The following INPP4B variants were observed in gnomAD, a reference collection of about 807,000 sequenced individuals.
The protein encoded by INPP4B is inositol polyphosphate-4-phosphatase type II B, also known as inositol polyphosphate 4-phosphatase type II.
Under a neutral mutation model 122.5 loss-of-function variants are expected in INPP4B, and 55 were observed. The ratio of observed to expected loss-of-function variants is 0.45; its 90% CI spans 0.36 to 0.56. INPP4B has a LOEUF of 0.56. Among genes scored for constraint, INPP4B ranks in the 20% least tolerant of loss-of-function variants. The pLI is 0.00. For missense variants in INPP4B, 1,000 were observed against 1,097.7 expected (o/e 0.91, Z 1.26); for synonymous variants, 403 against 388.7 (o/e 1.04, Z -0.43).
At position 142,182,505 on chromosome 4, in the gene INPP4B, G is replaced by A. The variant is rs1579199976; in HGVS notation, c.1182-8696C>T. Among the ~76,000 whole-genome samples, 4 of 126,426 alleles carry A rather than the reference G, an allele frequency of 3.2e-5. No homozygotes were observed. In the East Asian group the frequency reaches 9.8e-4, roughly 31 times the overall value. 82.9% of individuals were successfully genotyped at this position (126,426 alleles called of 152,430 possible). A position where few individuals can be genotyped will look rare whatever the true frequency, so the allele number is the denominator to read the frequency against. ...GGAGCTTGCAGTGAGCAGAGATCAC[G>A]CCGCTGCACTCCAGCCTGGTGACAG... On this transcript the variant is annotated intron_variant, in intron 15 of 25. Transcript: ENST00000262992.
chr4:142,803,021 T>C (rs772173472), intron 1 of INPP4B, among the ~76,000 whole-genome samples: 10 of 151,520 alleles, frequency 6.6e-5, no homozygotes, highest in African/African-American at 9.7e-5. Context: ...AATACAAAAA[T>C]TAGCCAGGCA....
intron 2 of INPP4B, among the ~76,000 whole-genome samples, chr4:142,657,676 A>C (rs377032274): frequency 6.6e-6 from 1 of 152,236 alleles, no homozygotes; most frequent in Non-Finnish European, 1.5e-5. Context: ...TGGTGAAAGA[A>C]CTGTGGAAAT....
Position 142,839,837 on chromosome 4 carries a change from C to T in INPP4B, c.-254+6372G>A, listed in dbSNP as rs1561128484. ...TAAAAACCTTTTAAAAAAGGAAATG[C>T]ATTTCTTAATTATGCCAATTTGGGT... On this transcript the variant is annotated intron_variant, in intron 1 of 25. Transcript: ENST00000262992. 4.6e-5 allele frequency among the ~76,000 whole-genome samples: 7 copies of T among 152,166 alleles called. No individual in the cohort carries two copies. In the South Asian group the frequency reaches 1.4e-3, roughly 32 times the overall value.
chr4:142,720,774 T>A (rs1560996539), intron 2 of INPP4B, among the ~76,000 whole-genome samples: 2 of 10,578 alleles, frequency 1.9e-4, no homozygotes, highest in African/African-American at 7.9e-4. Context: ...TCTCTCTCTC[T>A]CTCTCTCTCT....
intron 1 of INPP4B, among the ~76,000 whole-genome samples, chr4:142,729,355 AACTG>A (rs752542459): frequency 9.2e-5 from 14 of 152,178 alleles, no homozygotes; most frequent in Non-Finnish European, 1.6e-4. Flanking sequence ...GCACGTGACA[AACTG>A]ACTTACAGTT....
At chr4:142,333,842 T>C (rs1775593269) in intron 7 of INPP4B, among the ~76,000 whole-genome samples, 1 of 152,220 alleles carries the variant, frequency 6.6e-6, no homozygotes, top group African/African-American at 2.4e-5. Flanking sequence ...CTATTTAACC[T>C]GTCCATCACC....
intron 1 of INPP4B, among the ~76,000 whole-genome samples, chr4:142,806,594 C>T (rs1372976376): frequency 6.6e-6 from 1 of 150,642 alleles, no homozygotes; most frequent in Non-Finnish European, 1.5e-5. Flanking sequence ...AATACAAAAA[C>T]TTAGCCTGGC....
At chr4:142,047,817 A>G (rs969187430) in intron 25 of INPP4B, among the ~76,000 whole-genome samples, 2 of 152,042 alleles carry the variant, frequency 1.3e-5, no homozygotes, top group Non-Finnish European at 2.9e-5. Context: ...ATTTCCCAGC[A>G]ATCCCCATGG....
At chr4:142,822,213 G>T (rs1194804076) in intron 1 of INPP4B, among the ~76,000 whole-genome samples, 1 of 152,178 alleles carries the variant, frequency 6.6e-6, no homozygotes, top group African/African-American at 2.4e-5. Context: ...AAAGCTCACG[G>T]TATGTTTACT....
chr4:142,204,554 A>G (rs1841920796), intron 14 of INPP4B, among the ~76,000 whole-genome samples: 2 of 152,128 alleles, frequency 1.3e-5, no homozygotes, highest in African/African-American at 4.8e-5. Context: ...GTACCTCGCA[A>G]GAAAGATACC....
chr4:142,217,527 G>A (rs919802762), intron 12 of INPP4B, among the ~76,000 whole-genome samples: 5 of 152,024 alleles, frequency 3.3e-5, no homozygotes, highest in African/African-American at 9.7e-5. Flanking sequence ...GACATGGTTC[G>A]GTCTTCTACC....
At chr4:142,405,171 GA>G in intron 6 of INPP4B, 34 bp downstream of exon 6, 1 of 1,241,102 alleles carries the variant, frequency 8.1e-7, no homozygotes, top group African/African-American at 1.5e-5. Context: ...GAGAGAGAGA[GA>G]GAGAGAGATT....
chr4:142,728,576 G>C (rs534375221), intron 1 of INPP4B, among the ~76,000 whole-genome samples: 33 of 152,232 alleles, frequency 2.2e-4, no homozygotes, highest in South Asian at 1.2e-3. Context: ...ATGAGACACA[G>C]GGATGGACAT....
At chr4:142,558,952 C>T (rs1729866960) in intron 2 of INPP4B, among the ~76,000 whole-genome samples, 1 of 152,030 alleles carries the variant, frequency 6.6e-6, no homozygotes, top group South Asian at 2.1e-4. Context: ...TCTGTCTCAG[C>T]TCATTAACTA....
intron 25 of INPP4B, among the ~76,000 whole-genome samples, chr4:142,066,953 C>G (rs1217078785): frequency 6.6e-6 from 1 of 152,162 alleles, no homozygotes; most frequent in African/African-American, 2.4e-5. Context: ...ACCTCCTTGT[C>G]TGATGGGTTT....
At chr4:142,037,473 A>G (rs534114158) in intron 25 of INPP4B, among the ~76,000 whole-genome samples, 1 of 152,294 alleles carries the variant, frequency 6.6e-6, no homozygotes, top group South Asian at 2.1e-4. Flanking sequence ...TAGGTTTGCT[A>G]TTTGATATCT....
intron 11 of INPP4B, among the ~76,000 whole-genome samples, chr4:142,240,921 G>T (rs148073094): frequency 1.3e-5 from 2 of 151,882 alleles, no homozygotes; most frequent in South Asian, 2.1e-4. Context: ...TTTTGTTATC[G>T]CACATAAAAG....
At chr4:142,352,040 T>A (rs1209880173) in intron 7 of INPP4B, among the ~76,000 whole-genome samples, 1 of 151,998 alleles carries the variant, frequency 6.6e-6, no homozygotes, top group African/African-American at 2.4e-5. Context: ...AGCTGCTGTT[T>A]AGAATATAAG....
chr4:142,317,475 CTG>C, intron 7 of INPP4B: 1 of 284,132 alleles, frequency 3.5e-6, no homozygotes, highest in Admixed American at 3.9e-5. Context: ...ATCAATGAAA[CTG>C]AGTATTCCAA....
Sources: allele counts gnomAD v4.1 joint callset (sites outside exome capture counted in the v4.1 genomes callset), GRCh38; gene constraint gnomAD v4.1.1; transcripts MANE v1.5; gene names NCBI Gene and HGNC (gene_info 2026-07-23, HGNC 2026-07-21).